Variants in TAF3 observed in about 807,000 individuals in gnomAD.
The protein encoded by TAF3 is TATA-box binding protein associated factor 3, also known as transcription initiation factor TFIID subunit 3.
In TAF3, 7 loss-of-function variants were observed where a neutral mutation model predicts 80.6. That is an observed-to-expected ratio of 0.09 (90% confidence interval 0.05 to 0.16). The LOEUF is 0.16. Among genes scored for constraint, TAF3 ranks in the 10% least tolerant of loss-of-function variants. The pLI is 1.00. For synonymous variants in TAF3, 444 were observed against 446.1 expected (o/e 1.00, Z 0.06); for missense variants, 921 against 1,140.2 (o/e 0.81, Z 2.77).
intron 2 of TAF3, among the ~76,000 whole-genome samples, chr10:7,891,621 T>G (rs961617015): frequency 1.3e-5 from 2 of 152,240 alleles, no homozygotes; most frequent in African/African-American, 2.4e-5. Flanking sequence ...TCTTATGTTT[T>G]TGTTAGAAAC....
At chr10:7,971,452 GT>G (rs5783006) in intron 3 of TAF3, among the ~76,000 whole-genome samples, 67,780 of 139,220 alleles carry the variant, frequency 0.49, 16,138 homozygotes, top group Admixed American at 0.58. Context: ...CATATATGGT[GT>G]TTTTTTTTTT....
At chr10:7,875,256 A>G (rs1837303411) in intron 2 of TAF3, among the ~76,000 whole-genome samples, 1 of 152,140 alleles carries the variant, frequency 6.6e-6, no homozygotes, top group South Asian at 2.1e-4. Flanking sequence ...AGTTGCAGGT[A>G]ATATAAGCAT....
At chr10:7,905,451 A>G (rs940505323) in intron 2 of TAF3, among the ~76,000 whole-genome samples, 3 of 152,186 alleles carry the variant, frequency 2.0e-5, no homozygotes, top group African/African-American at 4.8e-5. Context: ...TTGCTATTCA[A>G]CTTCATTCAC....
chr10:7,955,796 T>A (rs1254240118), intron 2 of TAF3, among the ~76,000 whole-genome samples: 1 of 152,254 alleles, frequency 6.6e-6, no homozygotes, highest in Non-Finnish European at 1.5e-5. Context: ...AGCATGTTTT[T>A]CTCATTATTC....
At chr10:8,014,450 G>A (rs1832084575) in intron 6 of TAF3, among the ~76,000 whole-genome samples, 187 bp from the exon 7 acceptor site, 1 of 152,212 alleles carries the variant, frequency 6.6e-6, no homozygotes, top group African/African-American at 2.4e-5. Flanking sequence ...CAGGGGGCCT[G>A]TAAAGGGAGC....
chr10:7,871,435 C>CCTTT (rs1837263808), intron 2 of TAF3, among the ~76,000 whole-genome samples: 1 of 69,116 alleles, frequency 1.4e-5, no homozygotes, highest in Non-Finnish European at 2.9e-5. Context: ...ATAACTGCTG[C>CCTTT]TTTTTTTTTT....
In TAF3 at chr10:7,830,966, C is replaced by A. The variant is rs1341694036; in HGVS notation, c.409+6406C>A. On this transcript the variant is annotated intron_variant, in intron 2 of 6. Transcript: ENST00000344293. Reference sequence around the variant, plus strand: ...TGGCAGCAAGAATCTGAGGCTTGACCAGATTTAGGTTTGGCAAGATATCAG... The same window carrying A: ...TGGCAGCAAGAATCTGAGGCTTGACAAGATTTAGGTTTGGCAAGATATCAG... Among the ~76,000 whole-genome samples, 6 of 152,290 alleles carry A rather than the reference C, an allele frequency of 3.9e-5. No homozygotes were observed. In the East Asian group the frequency reaches 1.2e-3, roughly 29 times the overall value.
chr10:7,879,656 T>G (rs1262203468), intron 2 of TAF3, among the ~76,000 whole-genome samples: 1 of 152,198 alleles, frequency 6.6e-6, no homozygotes, highest in Non-Finnish European at 1.5e-5. Flanking sequence ...GTTTTTAGGA[T>G]ATTTAGTATT....
intron 2 of TAF3, among the ~76,000 whole-genome samples, chr10:7,842,160 T>TG (rs1564345292): frequency 1.0e-5 from 1 of 100,326 alleles, no homozygotes; most frequent in East Asian, 2.3e-4. Flanking sequence ...TGTTTTTTTT[T>TG]TTTGTTTTTT....
intron 2 of TAF3, among the ~76,000 whole-genome samples, chr10:7,853,025 G>A (rs548339143): frequency 2.6e-5 from 4 of 152,240 alleles, no homozygotes; most frequent in Admixed American, 2.6e-4. Context: ...ATCCATTGAT[G>A]TTCAAATTGT....
chr10:7,956,478 C>T (rs1838137277), intron 2 of TAF3, among the ~76,000 whole-genome samples: 1 of 152,270 alleles, frequency 6.6e-6, no homozygotes, highest in South Asian at 2.1e-4. Context: ...CAGAGTGAGA[C>T]TCCATCTCAA....
At chr10:7,970,854 G>A (rs762652571) in intron 3 of TAF3, among the ~76,000 whole-genome samples, 5 of 152,104 alleles carry the variant, frequency 3.3e-5, no homozygotes, top group African/African-American at 4.8e-5. Flanking sequence ...TTAAGGAAGG[G>A]TTTTCATCCT....
intron 2 of TAF3, among the ~76,000 whole-genome samples, chr10:7,903,037 A>G (rs749108985): frequency 6.6e-6 from 1 of 152,088 alleles, no homozygotes; most frequent in African/African-American, 2.4e-5. Context: ...CCTGGACAAC[A>G]TAGTAGGACC....
chr10:7,987,780 G>A (rs916508541), intron 4 of TAF3, among the ~76,000 whole-genome samples: 12 of 152,156 alleles, frequency 7.9e-5, no homozygotes, highest in East Asian at 7.7e-4. Flanking sequence ...CTTCTCCCTC[G>A]TGGGCCTGTG....
intron 2 of TAF3, among the ~76,000 whole-genome samples, chr10:7,896,091 C>T (rs1389606522): frequency 3.9e-5 from 6 of 152,086 alleles, no homozygotes; most frequent in Admixed American, 2.0e-4. Context: ...GTAACTGCAT[C>T]GGTTGCTGCT....
chr10:7,958,992 T>G (rs973285507), intron 2 of TAF3, among the ~76,000 whole-genome samples: 1 of 151,864 alleles, frequency 6.6e-6, no homozygotes, highest in Non-Finnish European at 1.5e-5. Context: ...CACACAAAAT[T>G]AGCCGGGCGT....
intron 2 of TAF3, among the ~76,000 whole-genome samples, chr10:7,933,118 T>C (rs1470947249): frequency 6.6e-6 from 1 of 152,124 alleles, no homozygotes; most frequent in Non-Finnish European, 1.5e-5. Context: ...AATACCTGGC[T>C]ACTTTGAAAT....
rs191078382 is a variant in TAF3, at chr10:7,993,932, G to A, written c.2316-15146G>A. Among the ~76,000 whole-genome samples the A allele has an allele frequency of 2.1e-3, 262 of 126,220 alleles. 1 individual carries two copies. The highest frequency in any genetic ancestry group is 4.3e-3 in the Admixed American group (50 of 11,602). 82.8% of individuals were successfully genotyped at this position (126,220 alleles called of 152,430 possible). On this transcript the variant is annotated intron_variant, in intron 4 of 6. Coordinates refer to ENST00000344293, the MANE Select transcript of TAF3 (RefSeq NM_031923.4). ...TTGCCAGTCTTCAGTGAAAAGAGTT[G>A]ATGGAGTTGATATAGTTATCTCCAG...
At chr10:7,876,191 G>A (rs982010032) in intron 2 of TAF3, among the ~76,000 whole-genome samples, 1 of 151,994 alleles carries the variant, frequency 6.6e-6, no homozygotes, top group Non-Finnish European at 1.5e-5. Flanking sequence ...TTCCCAAATA[G>A]TGATGAAATC....
Sources: gnomAD v4.1 joint callset for allele counts (sites outside exome capture counted in the v4.1 genomes callset) on GRCh38, gnomAD v4.1.1 for gene constraint, MANE v1.5 for transcripts, NCBI Gene and HGNC (gene_info 2026-07-23, HGNC 2026-07-21) for gene names.